DMD: variants seen among roughly 807,000 people sequenced by gnomAD.
The protein encoded by DMD is dystrophin, also known as mutant dystrophin.
DMD carries 63 observed loss-of-function variants against 330.1 expected under a neutral mutation model. That is an observed-to-expected ratio of 0.19 (90% CI 0.16 to 0.24). The LOEUF (loss-of-function observed/expected upper bound fraction) is 0.24. Ranked by LOEUF, DMD falls within the 10% of genes least tolerant of loss-of-function variation. The probability of loss-of-function intolerance (pLI) is 1.00; values close to 1 mark genes in which losing one functional copy is unlikely to be tolerated. For synonymous variants in DMD, 1,223 were observed against 959.8 expected (o/e 1.27, Z -5.07); for missense variants, 3,344 against 2,684.1 (o/e 1.25, Z -5.43).
At chrX:32,821,316 G>A (rs2078222052) in intron 5 of DMD, among the ~76,000 whole-genome samples, 1 of 111,542 alleles carries the variant, frequency 9.0e-6, no homozygotes, top group African/African-American at 3.3e-5. Flanking sequence ...CGGGCGCAGT[G>A]GCTCATGCCT....
chrX:31,376,345 A>G, intron 60 of DMD, among the ~76,000 whole-genome samples: 1 of 112,360 alleles, frequency 8.9e-6, no homozygotes, highest in Non-Finnish European at 1.9e-5. Flanking sequence ...AGATATAATG[A>G]TGTGCTTAGA....
rs768325497 is a variant in DMD at position 32,027,223 on chromosome X, GGA to G, written c.6439-58711_6439-58710del. Among the ~76,000 whole-genome samples the G allele has an allele frequency of 2.1e-3, 219 of 105,874 alleles. 2 individuals carry two copies. The highest frequency in any genetic ancestry group is 6.7e-3 in the African/African-American group (193 of 28,965). The allele number at this position is 105,874 out of a possible 115,157, so 91.9% of individuals were successfully genotyped here. ...AGAGAGAGAAGCGGGGGAAGGCTGG[GGA>G]GAGAGAGAGAGAGAGACTTTCATAT... On this transcript the variant is annotated intron_variant, in intron 44 of 78. Coordinates refer to ENST00000357033, the MANE Select transcript of DMD (RefSeq NM_004006.3).
At chrX:32,353,716 T>A (rs1047885147) in intron 37 of DMD, among the ~76,000 whole-genome samples, 1 of 111,452 alleles carries the variant, frequency 9.0e-6, no homozygotes, top group Non-Finnish European at 1.9e-5. Flanking sequence ...TTTTAAGAGC[T>A]TTAGCATGAC....
intron 43 of DMD, among the ~76,000 whole-genome samples, chrX:32,254,000 A>G (rs896686651): frequency 2.0e-4 from 22 of 111,044 alleles, no homozygotes; most frequent in African/African-American, 6.9e-4. Context: ...TCTATGTTTA[A>G]AAATGAAAAC....
chrX:32,464,537 A>ATATTCATACAAAAT (rs775801881), intron 24 of DMD, 49 bp downstream of exon 24: 1 of 963,825 alleles, frequency 1.0e-6, no homozygotes, highest in East Asian at 3.1e-5. Context: ...TAACCAAATA[A>ATATTCATACAAAAT]TATTCATACA....
chrX:31,708,738 AT>A (rs1241069745), intron 52 of DMD, among the ~76,000 whole-genome samples: 1 of 112,258 alleles, frequency 8.9e-6, no homozygotes, highest in African/African-American at 3.2e-5. Flanking sequence ...ATTTTAGATT[AT>A]TAATCACTTT....
chrX:32,343,172 C>T lies in DMD; in HGVS notation c.5701G>A (p.Ala1901Thr), dbSNP rs201302282. The T allele has an allele frequency of 2.9e-4, 356 of 1,208,889 alleles. No homozygotes were observed. Among genetic ancestry groups the T allele is most frequent in the Non-Finnish European group, 3.7e-4 (333 of 894,596 alleles). ...TCATCTCTGGGCTCAGGTAGGCTGG[C>T]TAATTTTTTTTCAATGTCATCCAAG... Reference protein sequence around the residue: ...KCLDDIEKKLASLPEPRDERK... With the variant: ...KCLDDIEKKLTSLPEPRDERK... Residue 1901 changes from alanine (A) to threonine (T), a missense_variant, in exon 40 of 79, where the codon GCC becomes ACC. Transcript: ENST00000357033.
At chrX:33,245,310 A>G (rs759647231) in intron 1 of DMD, among the ~76,000 whole-genome samples, 4 of 110,404 alleles carry the variant, frequency 3.6e-5, no homozygotes, top group Admixed American at 9.7e-5. Context: ...AAAAATCACT[A>G]CCCGAAATAT....
intron 2 of DMD, among the ~76,000 whole-genome samples, chrX:32,967,808 T>C (rs1038938075): frequency 8.9e-6 from 1 of 111,852 alleles, no homozygotes; most frequent in African/African-American, 3.3e-5. Context: ...ACAGGAAGCA[T>C]GGAGATAGTT....
chrX:32,975,318 CATTTTGCTTTTTAAACTTTAA>C (rs1207649708), intron 2 of DMD, among the ~76,000 whole-genome samples: 53 of 74,880 alleles, frequency 7.1e-4, no homozygotes, highest in African/African-American at 2.9e-3. Context: ...ATTCACTCCA[CATTTTGCTTTTTAAACTTTAA>C]AAAATGCTTT....
At chrX:32,935,764 G>C (rs949969421) in intron 2 of DMD, among the ~76,000 whole-genome samples, 3 of 111,158 alleles carry the variant, frequency 2.7e-5, no homozygotes, top group Non-Finnish European at 5.7e-5. Context: ...CTCCCCCTTA[G>C]ACAACCGGTA....
intron 39 of DMD, 47 bp downstream of exon 39, chrX:32,345,896 T>G (rs1455943863): frequency 1.4e-5 from 16 of 1,160,230 alleles, no homozygotes; most frequent in Admixed American, 6.7e-5. Flanking sequence ...CCCTATATAT[T>G]AAAAAAAAAC....
chrX:31,266,516 C>T (rs1432091632), intron 62 of DMD, among the ~76,000 whole-genome samples: 1 of 112,630 alleles, frequency 8.9e-6, no homozygotes, highest in East Asian at 2.8e-4. Context: ...GCGTGAGGAA[C>T]GCGTTATCCC....
chrX:31,473,458 A>G (rs770169375), intron 59 of DMD, among the ~76,000 whole-genome samples: 58 of 109,976 alleles, frequency 5.3e-4, no homozygotes, highest in Non-Finnish European at 9.5e-4. Flanking sequence ...GCGGTGGCTC[A>G]CGCCTGTAAT....
chrX:32,017,612 G>T (rs1465261360), intron 44 of DMD, among the ~76,000 whole-genome samples: 1 of 111,815 alleles, frequency 8.9e-6, no homozygotes, highest in Non-Finnish European at 1.9e-5. Context: ...AGTCTAGCAT[G>T]TGGGAAGTAA....
intron 1 of DMD, among the ~76,000 whole-genome samples, chrX:33,257,387 G>C (rs941713277): frequency 3.3e-4 from 36 of 110,386 alleles, no homozygotes; most frequent in African/African-American, 1.1e-3. Flanking sequence ...TTCCTAATAA[G>C]CTCACCATGC....
intron 49 of DMD, among the ~76,000 whole-genome samples, chrX:31,822,690 G>GTGTGTGTGTGTGTGTGTGTC (rs2092798331): frequency 1.9e-5 from 2 of 106,690 alleles, no homozygotes; most frequent in African/African-American, 6.9e-5. Flanking sequence ...GTGTGTGTGT[G>GTGTGTGTGTGTGTGTGTGTC]TGTGTGTGTG....
At chrX:31,522,369 A>C (rs781295802) in intron 55 of DMD, among the ~76,000 whole-genome samples, 1,732 of 67,240 alleles carry the variant, frequency 0.026, 28 homozygotes, top group African/African-American at 0.032. Context: ...CTCTCTATAT[A>C]TATATATATA....
intron 57 of DMD, among the ~76,000 whole-genome samples, chrX:31,482,925 A>G (rs2068425772): frequency 1.8e-5 from 2 of 110,888 alleles, no homozygotes; most frequent in African/African-American, 6.6e-5. Context: ...AGTTTCAGGA[A>G]AATTGGACAG....
Sources: allele counts gnomAD v4.1 joint callset (sites outside exome capture counted in the v4.1 genomes callset), GRCh38; gene constraint gnomAD v4.1.1; transcripts MANE v1.5; gene names NCBI Gene and HGNC (gene_info 2026-07-23, HGNC 2026-07-21).